ACER3: variants seen among roughly 807,000 people sequenced by gnomAD.
ACER3 encodes the protein alkCDase 3.
ACER3 carries 16 observed loss-of-function variants against 48.9 expected under a neutral mutation model. The observed-to-expected ratio is 0.33, with a 90% CI of 0.22 to 0.50. The LOEUF (loss-of-function observed/expected upper bound fraction) is 0.50. Ranked by LOEUF, ACER3 falls within the 20% of genes least tolerant of loss-of-function variation. The pLI is 0.98. For synonymous variants in ACER3, 109 were observed against 107.8 expected (o/e 1.01, Z -0.07); for missense variants, 227 against 326.0 (o/e 0.70, Z 2.34).
At chr11:76,935,741 T>C (rs1473239598) in intron 2 of ACER3, among the ~76,000 whole-genome samples, 1 of 152,252 alleles carries the variant, frequency 6.6e-6, no homozygotes, top group Non-Finnish European at 1.5e-5. Flanking sequence ...ATTACTGCAC[T>C]GTTCAATTTA....
chr11:76,934,476 A>C (rs950499893), intron 2 of ACER3, among the ~76,000 whole-genome samples: 1 of 152,258 alleles, frequency 6.6e-6, no homozygotes, highest in Non-Finnish European at 1.5e-5. Context: ...ACTTGTGGCT[A>C]GGAGCTGGAG....
intron 7 of ACER3, among the ~76,000 whole-genome samples, chr11:77,000,620 T>C (rs1949012732): frequency 1.3e-5 from 2 of 152,228 alleles, no homozygotes; most frequent in South Asian, 4.1e-4. Context: ...GGTTCTGTTT[T>C]TTCCATGTGG....
chr11:76,867,468 CAAAAAA>C (rs1156610809), intron 1 of ACER3, among the ~76,000 whole-genome samples: 4 of 19,662 alleles, frequency 2.0e-4, no homozygotes, highest in African/African-American at 4.9e-4. Flanking sequence ...GACTCTGTCT[CAAAAAA>C]AAAAAAAAAA....
intron 3 of ACER3, among the ~76,000 whole-genome samples, chr11:76,966,347 C>T (rs1948136963): frequency 2.0e-5 from 3 of 150,312 alleles, no homozygotes; most frequent in Admixed American, 6.6e-5. Context: ...TAGACTCCCA[C>T]ACAATAATAA....
At chr11:76,988,111 A>G (rs1945412294) in intron 5 of ACER3, among the ~76,000 whole-genome samples, 1 of 152,228 alleles carries the variant, frequency 6.6e-6, no homozygotes, top group Admixed American at 6.5e-5. Flanking sequence ...AAATGGAAGA[A>G]CAGTTGCCTC....
chr11:76,931,782 T>A (rs922064981), intron 2 of ACER3, among the ~76,000 whole-genome samples: 2 of 152,090 alleles, frequency 1.3e-5, no homozygotes, highest in Non-Finnish European at 2.9e-5. Flanking sequence ...TTAAGAATGT[T>A]GAATATTGGC....
At position 76,986,570 on chromosome 11, in the gene ACER3, C is replaced by G. The variant is rs1042817927; in HGVS notation, c.402+846C>G. The stretch of plus-strand genomic sequence containing the variant: ...GTGAACTACCATTTTCAATCACTTA[C>G]TATATGCCAGATATTGTAACTATGT... On this transcript the variant is annotated intron_variant, in intron 5 of 10. Coordinates refer to ENST00000532485, the MANE Select transcript of ACER3 (RefSeq NM_018367.7). Among the ~76,000 whole-genome samples the G allele has an allele frequency of 4.6e-5, 7 of 152,198 alleles. 1 individual carries two copies. Among genetic ancestry groups the G allele is most frequent in the Admixed American group, 2.6e-4 (4 of 15,288 alleles).
intron 7 of ACER3, among the ~76,000 whole-genome samples, chr11:77,011,589 G>A (rs1382777154): frequency 6.6e-6 from 1 of 152,134 alleles, no homozygotes; most frequent in Non-Finnish European, 1.5e-5. Context: ...ATCTTCTCTT[G>A]AGAACCCTCA....
intron 1 of ACER3, among the ~76,000 whole-genome samples, chr11:76,913,371 T>C (rs1278109343): frequency 1.3e-5 from 2 of 152,190 alleles, no homozygotes; most frequent in Non-Finnish European, 2.9e-5. Flanking sequence ...TTCTTTCTCC[T>C]GCCTGATTGC....
At chr11:76,925,001 A>T (rs1461183485) in intron 1 of ACER3, among the ~76,000 whole-genome samples, 1 of 143,882 alleles carries the variant, frequency 7.0e-6, no homozygotes, top group Non-Finnish European at 1.6e-5. Context: ...AAACACCAAA[A>T]ATTTGTCTAC....
At chr11:76,954,774 G>A (rs1224891445) in intron 2 of ACER3, among the ~76,000 whole-genome samples, 2 of 151,900 alleles carry the variant, frequency 1.3e-5, no homozygotes, top group African/African-American at 4.8e-5. Flanking sequence ...TTAACCTTCT[G>A]TATGCTTTGT....
Position 76,968,933 on chromosome 11 carries a change from G to A in ACER3, c.268-7356G>A, listed in dbSNP as rs1201925471. Among the ~76,000 whole-genome samples the A allele has an allele frequency of 5.3e-5, 8 of 152,138 alleles. No homozygotes were observed. The East Asian group carries it at 1.2e-3, about 22-fold the overall frequency. On this transcript the variant is annotated intron_variant, in intron 3 of 10. Coordinates refer to ENST00000532485, the MANE Select transcript of ACER3 (RefSeq NM_018367.7). Reference sequence around the variant, plus strand: ...AAAAGCAATGGCAACAAAAGCCAAAGTTGACAAATGGGATCTAATTAAACT... The same window carrying A: ...AAAAGCAATGGCAACAAAAGCCAAAATTGACAAATGGGATCTAATTAAACT...
At chr11:76,933,943 G>T (rs1310437600) in intron 2 of ACER3, among the ~76,000 whole-genome samples, 1 of 151,958 alleles carries the variant, frequency 6.6e-6, no homozygotes, top group East Asian at 1.9e-4. Flanking sequence ...GGGCGGCCGG[G>T]CAGAGACGCT....
At chr11:77,019,574 G>A (rs1012241420) in intron 9 of ACER3, 157 bp from the exon 10 acceptor site, 2 of 653,664 alleles carry the variant, frequency 3.1e-6, no homozygotes, top group Non-Finnish European at 5.4e-6. Flanking sequence ...TTGAGTAGAT[G>A]CTCAAAAAAA....
Position 77,020,462 on chromosome 11 carries a change from GC to G in ACER3, c.*137del. The G allele has an allele frequency of 1.0e-6, 1 of 952,634 alleles. No individual in the cohort carries two copies. Among genetic ancestry groups the G allele is most frequent in the Non-Finnish European group, 1.6e-6 (1 of 639,788 alleles). The allele number at this position is 952,634 out of a possible 1,614,324, so 59.0% of individuals were successfully genotyped here. A position where few individuals can be genotyped will look rare whatever the true frequency, so the allele number is the denominator to read the frequency against. On this transcript the variant is annotated 3_prime_UTR_variant, in exon 11 of 11. Coordinates refer to ENST00000532485, the MANE Select transcript of ACER3 (RefSeq NM_018367.7). ...GAGGAGTGACTTTCTGACTAATGCT[GC>G]CACCCACACAGAGAATAAGGAGTAG...
chr11:76,959,860 G>A (rs1006663918), intron 3 of ACER3, among the ~76,000 whole-genome samples: 1 of 151,936 alleles, frequency 6.6e-6, no homozygotes, highest in South Asian at 2.1e-4. Context: ...GGCCGTTAGT[G>A]TTAATTTTAT....
At chr11:76,984,932 C>T (rs570310205) in intron 4 of ACER3, among the ~76,000 whole-genome samples, 1 of 152,224 alleles carries the variant, frequency 6.6e-6, no homozygotes, top group South Asian at 2.1e-4. Context: ...AAGTACAGCC[C>T]CACCTTACTA....
chr11:76,933,950 C>T (rs1031690712), intron 2 of ACER3, among the ~76,000 whole-genome samples: 9 of 151,702 alleles, frequency 5.9e-5, no homozygotes, highest in South Asian at 2.1e-4. Flanking sequence ...CGGGCAGAGA[C>T]GCTCCTCACC....
At chr11:76,925,184 C>T (rs146241926) in intron 1 of ACER3, among the ~76,000 whole-genome samples, 176 of 152,150 alleles carry the variant, frequency 1.2e-3, no homozygotes, top group African/African-American at 4.2e-3. Flanking sequence ...AAAGAAAGAA[C>T]GATGCGTCCA....
Sources: allele counts gnomAD v4.1 joint callset (sites outside exome capture counted in the v4.1 genomes callset), GRCh38; gene constraint gnomAD v4.1.1; transcripts MANE v1.5; gene names NCBI Gene and HGNC (gene_info 2026-07-23, HGNC 2026-07-21).